Variants in OXR1 observed in about 807,000 individuals in gnomAD.
OXR1 encodes the protein oxidation resistance 1.
Under a neutral mutation model 104.6 loss-of-function variants are expected in OXR1, and 41 were observed. The observed-to-expected ratio is 0.39, with a 90% confidence interval of 0.31 to 0.51. The LOEUF (loss-of-function observed/expected upper bound fraction) is 0.51, where lower values mean the gene tolerates loss of function less well. Ranked by LOEUF, OXR1 falls within the 20% of genes least tolerant of loss-of-function variation. The pLI is 0.77. For synonymous variants in OXR1, 348 were observed against 348.4 expected, an observed-to-expected ratio of 1.00 and a Z score of 0.01; for missense variants, 955 against 1,031.9, an observed-to-expected ratio of 0.93 and a Z score of 1.02.
chr8:106,576,674 G>C (rs769049605), intron 3 of OXR1, among the ~76,000 whole-genome samples: 1 of 151,956 alleles, frequency 6.6e-6, no homozygotes, highest in African/African-American at 2.4e-5. Flanking sequence ...GTCTTTTGAG[G>C]ATGTCTCTTG....
At chr8:106,351,070 C>A (rs17336699) in intron 1 of OXR1, among the ~76,000 whole-genome samples, 5 of 151,984 alleles carry the variant, frequency 3.3e-5, no homozygotes, top group African/African-American at 4.8e-5. Context: ...CCTATAAATA[C>A]GGCTCCAAAT....
chr8:106,641,711 A>C (rs1041963124), intron 3 of OXR1, among the ~76,000 whole-genome samples: 7 of 152,180 alleles, frequency 4.6e-5, no homozygotes, highest in African/African-American at 1.7e-4. Context: ...TTCTGAGCTT[A>C]GTTCTTAGAA....
intron 7 of OXR1, among the ~76,000 whole-genome samples, chr8:106,693,243 C>T (rs1046139510): frequency 6.6e-6 from 1 of 151,798 alleles, no homozygotes; most frequent in Non-Finnish European, 1.5e-5. Context: ...TTATTGAGTA[C>T]CTTCTATATG....
chr8:106,610,179 C>G, intron 3 of OXR1, among the ~76,000 whole-genome samples: 1 of 150,882 alleles, frequency 6.6e-6, no homozygotes, highest in East Asian at 1.9e-4. Context: ...AGATTCTTTC[C>G]TCTCCCTCCC....
intron 1 of OXR1, among the ~76,000 whole-genome samples, chr8:106,339,271 A>G (rs957763512): frequency 2.6e-5 from 4 of 151,408 alleles, no homozygotes; most frequent in South Asian, 2.1e-4. Flanking sequence ...TGAGGAGGGC[A>G]GATCACAAGG....
rs191029108 is a variant in OXR1, at chr8:106,742,483, T to G, written c.2412+166T>G. 5 of 516,588 alleles carry G rather than the reference T, an allele frequency of 9.7e-6. No homozygotes were observed. The African/African-American group carries it at 9.8e-5, about 10-fold the overall frequency. 32.0% of individuals were successfully genotyped at this position (516,588 alleles called of 1,614,324 possible). A position where few individuals can be genotyped will look rare whatever the true frequency, so the allele number is the denominator to read the frequency against. ...ATGTGGAACCCAAAAAGAGCCCAAA[T>G]AGCCAAGAGAATGCTAAGCATAAAG... On this transcript the variant is annotated intron_variant, in intron 15 of 16. Coordinates refer to ENST00000517566, the MANE Select transcript of OXR1 (RefSeq NM_001198533.2).
intron 1 of OXR1, among the ~76,000 whole-genome samples, chr8:106,307,871 G>A (rs1310477078): frequency 6.6e-6 from 1 of 152,076 alleles, no homozygotes; most frequent in East Asian, 1.9e-4. Context: ...TGAGGATACA[G>A]TAAAAGCAGT....
intron 2 of OXR1, among the ~76,000 whole-genome samples, chr8:106,383,566 A>C (rs1817248376): frequency 6.6e-6 from 1 of 152,318 alleles, no homozygotes. Context: ...TAGGGAGCAA[A>C]CCATTACTTT....
At chr8:106,663,800 A>ATC (rs943634278) in intron 3 of OXR1, among the ~76,000 whole-genome samples, 7 of 152,244 alleles carry the variant, frequency 4.6e-5, no homozygotes, top group Admixed American at 1.3e-4. Flanking sequence ...TTGAGAAGCC[A>ATC]TCTCTCTCCC....
intron 3 of OXR1, among the ~76,000 whole-genome samples, chr8:106,563,996 G>C (rs544458895): frequency 6.6e-6 from 1 of 152,298 alleles, no homozygotes; most frequent in South Asian, 2.1e-4. Flanking sequence ...GCAGTGTTTA[G>C]AGGGAAATTT....
chr8:106,424,526 C>T (rs1004403743), intron 2 of OXR1, among the ~76,000 whole-genome samples: 7 of 152,198 alleles, frequency 4.6e-5, no homozygotes, highest in Non-Finnish European at 7.4e-5. Context: ...TTTAACCAGT[C>T]ATTTTGGTCA....
chr8:106,436,522 C>CA (rs11423598), intron 2 of OXR1, among the ~76,000 whole-genome samples: 39,599 of 122,282 alleles, frequency 0.32, 5,330 homozygotes, highest in East Asian at 0.5. Context: ...TGTGCCTATG[C>CA]AAAAAAAAAA....
chr8:106,489,257 T>G (rs912804728), intron 2 of OXR1, among the ~76,000 whole-genome samples: 1 of 151,862 alleles, frequency 6.6e-6, no homozygotes, highest in African/African-American at 2.4e-5. Flanking sequence ...ATGCTTGTGA[T>G]TTTTGTACAT....
At chr8:106,562,663 A>C (rs1816768005) in intron 3 of OXR1, among the ~76,000 whole-genome samples, 1 of 152,146 alleles carries the variant, frequency 6.6e-6, no homozygotes. Context: ...CAAGACAAAT[A>C]ATTGTCAGAT....
At chr8:106,669,819 G>A (rs1826747820) in intron 3 of OXR1, among the ~76,000 whole-genome samples, 1 of 151,966 alleles carries the variant, frequency 6.6e-6, no homozygotes, top group African/African-American at 2.4e-5. Flanking sequence ...TTTTTTAAAG[G>A]TTTTATACTG....
intron 1 of OXR1, among the ~76,000 whole-genome samples, chr8:106,273,453 T>A (rs910822966): frequency 3.9e-5 from 6 of 152,174 alleles, no homozygotes; most frequent in Non-Finnish European, 8.8e-5. Flanking sequence ...CTGGAGACAT[T>A]TTTGGTTGTC....
chr8:106,464,868 C>T (rs1821093429), intron 2 of OXR1, among the ~76,000 whole-genome samples: 1 of 151,940 alleles, frequency 6.6e-6, no homozygotes, highest in Admixed American at 6.6e-5. Context: ...TGAGGATGGG[C>T]CTCTTCTCTG....
intron 1 of OXR1, among the ~76,000 whole-genome samples, chr8:106,322,438 A>G (rs1814265459): frequency 2.0e-5 from 3 of 152,324 alleles, no homozygotes; most frequent in Middle Eastern, 6.8e-3. Context: ...CACAGCCAAC[A>G]TTATACTGAA....
chr8:106,394,447 T>C (rs1179567962), intron 2 of OXR1, among the ~76,000 whole-genome samples: 4 of 152,078 alleles, frequency 2.6e-5, no homozygotes. Flanking sequence ...ATGTTGATAA[T>C]CATTATCATT....
Sources: gnomAD v4.1 joint callset for allele counts (sites outside exome capture counted in the v4.1 genomes callset) on GRCh38, gnomAD v4.1.1 for gene constraint, MANE v1.5 for transcripts, NCBI Gene and HGNC (gene_info 2026-07-23, HGNC 2026-07-21) for gene names.